Variants in CACNA1D observed in about 807,000 individuals in gnomAD.
CACNA1D encodes the protein calcium voltage-gated channel subunit alpha1 D.
CACNA1D carries 55 observed loss-of-function variants against 257.1 expected under a neutral mutation model. The observed-to-expected ratio is 0.21, with a 90% CI of 0.17 to 0.27. The LOEUF (loss-of-function observed/expected upper bound fraction) is 0.27. CACNA1D is among the 10% of genes least tolerant of loss of function. The pLI is 1.00. For synonymous variants in CACNA1D, 980 were observed against 1,014.9 expected, an observed-to-expected ratio of 0.97 and a Z score of 0.65; for missense variants, 1,876 against 2,784.0, an observed-to-expected ratio of 0.67 and a Z score of 7.34.
intron 45 of CACNA1D, chr3:53,807,479 C>T (rs893364): frequency 0.24 from 36,919 of 152,274 alleles, 8,681 homozygotes; most frequent in African/African-American, 0.62. Context: ...GGGAGTCCTC[C>T]CCTGGCTAGG....
intron 30 of CACNA1D, 24 bp downstream of exon 30, chr3:53,762,105 G>A (rs776051218): frequency 8.3e-6 from 12 of 1,453,620 alleles, no homozygotes; most frequent in African/African-American, 2.8e-5. Context: ...TGGCGTGGCC[G>A]CCACCTGTGT....
intron 3 of CACNA1D, among the ~76,000 whole-genome samples, chr3:53,630,714 G>A (rs1300170301): frequency 1.3e-5 from 2 of 152,246 alleles, no homozygotes; most frequent in African/African-American, 4.8e-5. Context: ...AAATCTGACA[G>A]CTTCTAGAGT....
In CACNA1D at chr3:53,509,988, C is replaced by G. The variant is rs141411805; in HGVS notation, c.483+8268C>G. On this transcript the variant is annotated intron_variant, in intron 3 of 47. Transcript: ENST00000350061. ...AGCCCTGTGTTTCTGCCTTCCAGCCCGCTGCTGTGGCTCCCCATGCCTTGT... is the reference window on the plus strand; with the variant it reads ...AGCCCTGTGTTTCTGCCTTCCAGCCGGCTGCTGTGGCTCCCCATGCCTTGT... 7.7e-3 allele frequency among the ~76,000 whole-genome samples: 1,172 copies of G among 152,308 alleles called. 12 individuals are homozygous for G. The highest frequency in any genetic ancestry group is 0.027 in the Middle Eastern group (8 of 294).
At chr3:53,504,588 A>C (rs1228742207) in intron 3 of CACNA1D, among the ~76,000 whole-genome samples, 3 of 152,122 alleles carry the variant, frequency 2.0e-5, no homozygotes, top group Non-Finnish European at 4.4e-5. Context: ...GGAGTCATGG[A>C]AACGGTGCAA....
At chr3:53,539,385 A>G (rs146574832) in intron 3 of CACNA1D, among the ~76,000 whole-genome samples, 4 of 152,192 alleles carry the variant, frequency 2.6e-5, no homozygotes, top group African/African-American at 9.6e-5. Flanking sequence ...TGGGATTACC[A>G]GCATGAGCCA....
chr3:53,621,499 A>G (rs1017427583), intron 3 of CACNA1D, among the ~76,000 whole-genome samples: 12 of 152,326 alleles, frequency 7.9e-5, no homozygotes, highest in African/African-American at 2.9e-4. Flanking sequence ...GGTGAAAGGA[A>G]TCAAGGCAAT....
intron 8 of CACNA1D, among the ~76,000 whole-genome samples, chr3:53,681,833 C>T (rs1485919408): frequency 6.6e-6 from 1 of 152,118 alleles, no homozygotes; most frequent in Non-Finnish European, 1.5e-5. Flanking sequence ...ATGAGTAGTC[C>T]ACATATCCAG....
chr3:53,497,068 T>A lies in CACNA1D; in HGVS notation c.68-84T>A, dbSNP rs574313334. On this transcript the variant is annotated intron_variant, in intron 1 of 47. Transcript: ENST00000350061. ...GAGTGAATGATTCCCCTGTTATTGA[T>A]GGGAGACAACCTTTGATTTTTTTCT... 81 of 1,012,216 alleles carry A rather than the reference T, an allele frequency of 8.0e-5. 1 individual carries two copies. In the South Asian group the frequency reaches 1.1e-3, roughly 13 times the overall value. 62.7% of individuals were successfully genotyped at this position (1,012,216 alleles called of 1,614,324 possible). A position where few individuals can be genotyped will look rare whatever the true frequency, so the allele number is the denominator to read the frequency against.
At chr3:53,766,326 A>G (rs1245424334) in intron 30 of CACNA1D, 1 of 152,158 alleles carries the variant, frequency 6.6e-6, no homozygotes, top group Non-Finnish European at 1.5e-5. Context: ...TGGGTTGTGG[A>G]CACAGACCCA....
At chr3:53,674,498 T>C (rs1427812104) in intron 8 of CACNA1D, among the ~76,000 whole-genome samples, 1 of 152,248 alleles carries the variant, frequency 6.6e-6, no homozygotes, top group African/African-American at 2.4e-5. Flanking sequence ...GTCACGATTT[T>C]TGAAGTTTGC....
chr3:53,586,388 C>T (rs1201643532), intron 3 of CACNA1D, among the ~76,000 whole-genome samples: 1 of 151,646 alleles, frequency 6.6e-6, no homozygotes, highest in Non-Finnish European at 1.5e-5. Flanking sequence ...GCAGCCTCCT[C>T]ATCTACTCTC....
intron 3 of CACNA1D, among the ~76,000 whole-genome samples, chr3:53,543,063 A>G (rs1444377122): frequency 6.6e-6 from 1 of 151,384 alleles, no homozygotes; most frequent in Non-Finnish European, 1.5e-5. Context: ...CATGTACCCT[A>G]AAACTTAAAG....
intron 3 of CACNA1D, among the ~76,000 whole-genome samples, chr3:53,612,156 C>G (rs950217331): frequency 6.6e-6 from 1 of 152,122 alleles, no homozygotes; most frequent in Non-Finnish European, 1.5e-5. Flanking sequence ...TCCTTGATTG[C>G]TAATTCTATT....
In CACNA1D at chr3:53,810,138, A is replaced by T; in HGVS notation, c.6032A>T (p.Gln2011Leu). The T allele has an allele frequency of 6.2e-7, 1 of 1,614,004 alleles. No individual in the cohort carries two copies. Among genetic ancestry groups the T allele is most frequent in the Non-Finnish European group, 8.5e-7 (1 of 1,180,034 alleles). The change falls in exon 47 of 48, where the codon CAG becomes CTG. Residue 2011 changes from glutamine to leucine, a missense_variant. Transcript: ENST00000350061. ...GTGGAGCAGTCAGAGGCCCTGGACC[A>T]GGTGAACGGCAGCCTGCCGTCCCTG... ...IQVEQSEALDQVNGSLPSLHR... is the reference protein window; with the variant it reads ...IQVEQSEALDLVNGSLPSLHR...
intron 7 of CACNA1D, among the ~76,000 whole-genome samples, chr3:53,672,386 C>T (rs1052324494): frequency 2.0e-5 from 3 of 152,194 alleles, no homozygotes; most frequent in Non-Finnish European, 4.4e-5. Context: ...ATTCATTTTG[C>T]TGCATTCATT....
intron 19 of CACNA1D, among the ~76,000 whole-genome samples, chr3:53,733,958 A>G (rs867507413): frequency 0.02 from 2,594 of 127,158 alleles, 83 homozygotes; most frequent in African/African-American, 0.078. Context: ...GTGTGTATGT[A>G]TGTATGTATG....
intron 8 of CACNA1D, among the ~76,000 whole-genome samples, chr3:53,691,709 AAT>A (rs569240262): frequency 1.3e-4 from 7 of 54,688 alleles, no homozygotes; most frequent in Admixed American, 2.4e-4. Context: ...TTACATATAT[AAT>A]ATATATATTA....
At chr3:53,721,424 A>G (rs953203847) in intron 11 of CACNA1D, among the ~76,000 whole-genome samples, 1 of 152,152 alleles carries the variant, frequency 6.6e-6, no homozygotes, top group African/African-American at 2.4e-5. Context: ...GAGAGGACTG[A>G]CTTTACCAAT....
chr3:53,527,350 A>C (rs1052696423), intron 3 of CACNA1D, among the ~76,000 whole-genome samples: 1 of 152,222 alleles, frequency 6.6e-6, no homozygotes, highest in Non-Finnish European at 1.5e-5. Context: ...GTTCATCAAA[A>C]TAAGAAGCCT....
Sources: allele counts gnomAD v4.1 joint callset (sites outside exome capture counted in the v4.1 genomes callset), GRCh38; gene constraint gnomAD v4.1.1; transcripts MANE v1.5; gene names NCBI Gene and HGNC (gene_info 2026-07-23, HGNC 2026-07-21).